The following TBC1D2B variants were observed in gnomAD, a reference collection of about 807,000 sequenced individuals.
TBC1D2B encodes the protein TBC1 domain family member 2B.
Under a neutral mutation model 100.8 loss-of-function variants are expected in TBC1D2B, and 64 were observed. The ratio of observed to expected loss-of-function variants is 0.64; its 90% CI spans 0.52 to 0.78. The LOEUF (loss-of-function observed/expected upper bound fraction) is 0.78. Among genes scored for constraint, TBC1D2B ranks in the 30% least tolerant of loss-of-function variants. TBC1D2B has a pLI of 0.00. For synonymous variants in TBC1D2B, 480 were observed against 479.7 expected, an observed-to-expected ratio of 1.00 and a Z score of -0.01; for missense variants, 1,052 against 1,218.4, an observed-to-expected ratio of 0.86 and a Z score of 2.03.
intron 11 of TBC1D2B, chr15:78,002,945 C>A: frequency 5.2e-6 from 1 of 192,220 alleles, no homozygotes; most frequent in East Asian, 1.1e-4. Context: ...AGTTAGTCCC[C>A]CTCATTAGCC....
chr15:78,019,769 A>C (rs1441263407), intron 6 of TBC1D2B, among the ~76,000 whole-genome samples: 1 of 151,834 alleles, frequency 6.6e-6, no homozygotes, highest in Non-Finnish European at 1.5e-5. Flanking sequence ...GCGCACACCT[A>C]TAGTCCCAGC....
chr15:78,025,811 C>T (rs968497959), intron 4 of TBC1D2B, among the ~76,000 whole-genome samples: 22 of 152,142 alleles, frequency 1.4e-4, no homozygotes, highest in African/African-American at 4.3e-4. Context: ...CAGGCGTGAG[C>T]CACCGTGCCC....
chr15:78,011,161 T>C (rs1335359459), intron 9 of TBC1D2B, among the ~76,000 whole-genome samples: 1 of 152,204 alleles, frequency 6.6e-6, no homozygotes, highest in Non-Finnish European at 1.5e-5. Flanking sequence ...CCCTTTCACC[T>C]TCTGAGGGCA....
intron 2 of TBC1D2B, among the ~76,000 whole-genome samples, chr15:78,048,916 C>A (rs1210459045): frequency 1.3e-5 from 2 of 152,208 alleles, no homozygotes; most frequent in African/African-American, 4.8e-5. Flanking sequence ...TCAACCCAGG[C>A]TTGCAGCTGC....
chr15:78,001,551 C>T, intron 12 of TBC1D2B, 68 bp downstream of exon 12: 1 of 1,517,264 alleles, frequency 6.6e-7, no homozygotes, highest in South Asian at 1.3e-5. Context: ...CAAGGACAGG[C>T]TGCTCTCAAG....
chr15:78,076,011 C>A (rs4886555), intron 1 of TBC1D2B, among the ~76,000 whole-genome samples: 10 of 151,954 alleles, frequency 6.6e-5, no homozygotes. Flanking sequence ...ACCTGGAATA[C>A]GGAAGAGGAG....
intron 1 of TBC1D2B, 53 bp downstream of exon 1, chr15:78,077,240 G>C: frequency 7.1e-7 from 1 of 1,405,474 alleles, no homozygotes; most frequent in South Asian, 1.6e-5. Flanking sequence ...CAGTGGCGGA[G>C]GCAGGGGACG....
Position 77,996,345 on chromosome 15 carries a change from CAG to C in TBC1D2B, c.*1813_*1814del, listed in dbSNP as rs2071756407. The C allele has an allele frequency of 6.6e-6, 1 of 152,022 alleles. No individual in the cohort carries two copies. The highest frequency in any genetic ancestry group is 1.5e-5 in the Non-Finnish European group (1 of 68,076). 9.4% of individuals were successfully genotyped at this position (152,022 alleles called of 1,614,324 possible). ...GCCATTGGCTCGGAAAGTAAAACCTCAGGGCCCAGCCCCATTCCTGCTGCACC... is the reference window on the plus strand; with the variant it reads ...GCCATTGGCTCGGAAAGTAAAACCTCGGCCCAGCCCCATTCCTGCTGCACC... On this transcript the variant is annotated 3_prime_UTR_variant, in exon 13 of 13. Coordinates refer to ENST00000300584, the MANE Select transcript of TBC1D2B (RefSeq NM_144572.2).
At chr15:78,056,241 A>C (rs1171706681) in intron 1 of TBC1D2B, among the ~76,000 whole-genome samples, 1 of 152,232 alleles carries the variant, frequency 6.6e-6, no homozygotes. Context: ...GATTCCAGGG[A>C]GAGAGAGAAG....
At chr15:78,013,900 G>A (rs2072301535) in intron 8 of TBC1D2B, among the ~76,000 whole-genome samples, 1 of 152,152 alleles carries the variant, frequency 6.6e-6, no homozygotes, top group East Asian at 1.9e-4. Flanking sequence ...TGGGATATCT[G>A]GGTGGGCCCA....
chr15:78,022,204 T>C (rs762477168), intron 6 of TBC1D2B, among the ~76,000 whole-genome samples: 20 of 152,026 alleles, frequency 1.3e-4, no homozygotes, highest in Non-Finnish European at 2.5e-4. Context: ...ACTAAAAATA[T>C]AAAAATGAGC....
intron 3 of TBC1D2B, among the ~76,000 whole-genome samples, chr15:78,039,142 T>C (rs531893089): frequency 1.3e-5 from 2 of 152,344 alleles, no homozygotes; most frequent in South Asian, 2.1e-4. Context: ...GCATGGTGAC[T>C]ACATGCCTTG....
At position 78,007,130 on chromosome 15, in the gene TBC1D2B, A is replaced by G. The variant is rs199922843; in HGVS notation, c.2388+1867T>C. ...GAGCGATGGGATGTTGTTCCAGTAG[A>G]GGGATTATGTAGGAGAGTACCCAGA... On this transcript the variant is annotated intron_variant, in intron 10 of 12. Coordinates refer to ENST00000300584, the MANE Select transcript of TBC1D2B (RefSeq NM_144572.2). Among the ~76,000 whole-genome samples the G allele has an allele frequency of 5.9e-5, 9 of 152,322 alleles. No homozygotes were observed. In the East Asian group the frequency reaches 1.7e-3, roughly 29 times the overall value.
At chr15:78,000,209 G>A (rs1007435785) in intron 12 of TBC1D2B, among the ~76,000 whole-genome samples, 6 of 152,312 alleles carry the variant, frequency 3.9e-5, no homozygotes, top group Middle Eastern at 3.4e-3. Context: ...ACCGTACCGC[G>A]AGCCACTCAG....
intron 3 of TBC1D2B, among the ~76,000 whole-genome samples, chr15:78,039,218 G>A (rs1015457678): frequency 2.6e-5 from 4 of 152,166 alleles, no homozygotes; most frequent in African/African-American, 4.8e-5. Flanking sequence ...TTACGGCTCC[G>A]GGACAGGAAA....
At chr15:78,032,173 GA>G (rs2072831911) in intron 3 of TBC1D2B, among the ~76,000 whole-genome samples, 1 of 152,112 alleles carries the variant, frequency 6.6e-6, no homozygotes, top group Non-Finnish European at 1.5e-5. Context: ...AGAAGCAAAG[GA>G]AACCATCCCT....
intron 6 of TBC1D2B, among the ~76,000 whole-genome samples, chr15:78,019,061 C>T (rs1330302671): frequency 2.0e-5 from 3 of 151,980 alleles, no homozygotes; most frequent in Non-Finnish European, 4.4e-5. Context: ...TCAAGACAGA[C>T]TCTGGTGATA....
chr15:78,059,966 C>T (rs2073509499), intron 1 of TBC1D2B, among the ~76,000 whole-genome samples: 1 of 152,176 alleles, frequency 6.6e-6, no homozygotes, highest in African/African-American at 2.4e-5. Flanking sequence ...CACTAAACAA[C>T]AAGTTTATCT....
chr15:78,054,213 G>A (rs768121207), intron 1 of TBC1D2B, 26 bp from the exon 2 acceptor site: 1 of 1,604,558 alleles, frequency 6.2e-7, no homozygotes, highest in Non-Finnish European at 8.5e-7. Flanking sequence ...GGAAAAACAT[G>A]TTATGGCCAC....
Sources: gnomAD v4.1 joint callset for allele counts (sites outside exome capture counted in the v4.1 genomes callset) on GRCh38, gnomAD v4.1.1 for gene constraint, MANE v1.5 for transcripts, NCBI Gene and HGNC (gene_info 2026-07-23, HGNC 2026-07-21) for gene names.